The following LUZP2 variants were observed in gnomAD, a reference collection of about 807,000 sequenced individuals.
LUZP2 encodes the protein leucine zipper protein 2.
LUZP2 carries 52 observed loss-of-function variants against 51.6 expected under a neutral mutation model. The observed-to-expected ratio is 1.01, with a 90% CI of 0.81 to 1.27. The LOEUF (loss-of-function observed/expected upper bound fraction) is 1.27, where lower values mean the gene tolerates loss of function less well. Among genes scored for constraint, LUZP2 ranks in the 50% most tolerant of loss-of-function variants. The pLI is 0.00. For missense variants in LUZP2, 436 were observed against 395.4 expected (o/e 1.10, Z -0.87); for synonymous variants, 154 against 137.3 (o/e 1.12, Z -0.85).
At chr11:24,794,076 A>G (rs962209978) in intron 5 of LUZP2, among the ~76,000 whole-genome samples, 1 of 152,116 alleles carries the variant, frequency 6.6e-6, no homozygotes. Context: ...ATGCCTTTAA[A>G]ATGTAAAATT....
intron 1 of LUZP2, among the ~76,000 whole-genome samples, chr11:24,523,498 C>A (rs1387860212): frequency 2.1e-4 from 31 of 148,328 alleles, no homozygotes; most frequent in African/African-American, 6.2e-4. Flanking sequence ...CTTTTTTTTA[C>A]AAAAAAAAGA....
intron 1 of LUZP2, among the ~76,000 whole-genome samples, chr11:24,708,344 A>T (rs1408676424): frequency 6.6e-6 from 1 of 152,148 alleles, no homozygotes. Flanking sequence ...GCCCAGTCAA[A>T]TCAACACACA....
intron 1 of LUZP2, among the ~76,000 whole-genome samples, chr11:24,526,917 C>T (rs1850825439): frequency 1.3e-5 from 2 of 151,332 alleles, no homozygotes; most frequent in Admixed American, 1.3e-4. Flanking sequence ...TTGAAGGTGG[C>T]ACTCTAAGGG....
intron 5 of LUZP2, among the ~76,000 whole-genome samples, chr11:24,763,948 T>A (rs984245360): frequency 1.3e-5 from 2 of 152,212 alleles, no homozygotes; most frequent in African/African-American, 4.8e-5. Context: ...TCTTCCTTGA[T>A]CAATCTCACT....
At chr11:24,793,743 C>G (rs1055461107) in intron 5 of LUZP2, among the ~76,000 whole-genome samples, 1 of 152,048 alleles carries the variant, frequency 6.6e-6, no homozygotes, top group Non-Finnish European at 1.5e-5. Context: ...CTAGTAATTA[C>G]GTATAAGTCT....
intron 1 of LUZP2, among the ~76,000 whole-genome samples, chr11:24,688,912 AAAGAT>A (rs1856978906): frequency 6.6e-6 from 1 of 152,124 alleles, no homozygotes; most frequent in Non-Finnish European, 1.5e-5. Flanking sequence ...AGATCTAGTT[AAAGAT>A]CTCAGCCCTC....
At chr11:24,856,327 G>GA (rs1316800494) in intron 5 of LUZP2, among the ~76,000 whole-genome samples, 1 of 151,958 alleles carries the variant, frequency 6.6e-6, no homozygotes, top group Non-Finnish European at 1.5e-5. Flanking sequence ...AAAAGCATAT[G>GA]AAAAAATGTT....
chr11:24,678,085 G>GA (rs983716670), intron 1 of LUZP2, among the ~76,000 whole-genome samples: 2 of 132,364 alleles, frequency 1.5e-5, no homozygotes, highest in Non-Finnish European at 3.3e-5. Flanking sequence ...AGGGGGGGGG[G>GA]GGTGATTACT....
intron 1 of LUZP2, among the ~76,000 whole-genome samples, chr11:24,595,920 A>G (rs78941614): frequency 0.019 from 2,948 of 152,302 alleles, 102 homozygotes; most frequent in African/African-American, 0.065. Context: ...AAGTTTAATC[A>G]TTAAGAATGT....
intron 4 of LUZP2, among the ~76,000 whole-genome samples, chr11:24,756,900 T>A (rs1482161121): frequency 6.6e-6 from 1 of 152,184 alleles, no homozygotes; most frequent in Non-Finnish European, 1.5e-5. Flanking sequence ...CAAGCTGAGG[T>A]TCCCATAACC....
intron 8 of LUZP2, 46 bp downstream of exon 8, chr11:24,976,711 A>C (rs1232763154): frequency 5.0e-5 from 16 of 321,734 alleles, no homozygotes; most frequent in Non-Finnish European, 7.7e-5. Context: ...TTTAGCAAAA[A>C]AAAAAAAAAA....
intron 5 of LUZP2, among the ~76,000 whole-genome samples, chr11:24,859,374 C>A (rs1165808616): frequency 6.6e-6 from 1 of 152,116 alleles, no homozygotes; most frequent in Non-Finnish European, 1.5e-5. Context: ...CCATTTCTCC[C>A]ACTTTAAACC....
chr11:25,047,160 C>T (rs1025632432), intron 9 of LUZP2, among the ~76,000 whole-genome samples: 23 of 151,974 alleles, frequency 1.5e-4, no homozygotes, highest in African/African-American at 5.3e-4. Flanking sequence ...GCTGTGACTG[C>T]CAGGGGAGAC....
intron 5 of LUZP2, among the ~76,000 whole-genome samples, chr11:24,863,502 G>C (rs1454196353): frequency 1.3e-5 from 2 of 151,856 alleles, no homozygotes; most frequent in African/African-American, 4.8e-5. Flanking sequence ...GAGTAGGCAA[G>C]TGCATACAGA....
At chr11:24,929,349 C>G (rs553395410) in intron 7 of LUZP2, among the ~76,000 whole-genome samples, 15 of 152,168 alleles carry the variant, frequency 9.9e-5, no homozygotes, top group Non-Finnish European at 1.9e-4. Flanking sequence ...TTTATGTAGG[C>G]ATTTAATGCT....
rs77481754 is a variant in LUZP2, at chr11:24,623,348, A to G, written c.63-105821A>G. ...GAATTACTTGAGGAAGAATGTCAGTATGCTTACCTACTCATAGTAAAAGTA... is the reference window on the plus strand; with the variant it reads ...GAATTACTTGAGGAAGAATGTCAGTGTGCTTACCTACTCATAGTAAAAGTA... On this transcript the variant is annotated intron_variant, in intron 1 of 11. Transcript: ENST00000336930. 3.4e-4 allele frequency among the ~76,000 whole-genome samples: 52 copies of G among 152,326 alleles called. 1 individual carries two copies. The East Asian group carries it at 9.5e-3, about 28-fold the overall frequency.
chr11:24,743,689 C>G (rs1388130390), intron 4 of LUZP2, among the ~76,000 whole-genome samples: 1 of 152,004 alleles, frequency 6.6e-6, no homozygotes, highest in African/African-American at 2.4e-5. Context: ...ATTTCTTTCT[C>G]TTTTCTGATT....
intron 1 of LUZP2, among the ~76,000 whole-genome samples, chr11:24,640,185 A>T (rs1855232389): frequency 6.6e-6 from 1 of 151,910 alleles, no homozygotes; most frequent in South Asian, 2.1e-4. Flanking sequence ...TAAAGAAAGA[A>T]TTTACAACTG....
At chr11:24,880,800 G>A (rs1045442137) in intron 5 of LUZP2, among the ~76,000 whole-genome samples, 1 of 151,752 alleles carries the variant, frequency 6.6e-6, no homozygotes, top group Non-Finnish European at 1.5e-5. Flanking sequence ...TTTGGAACTC[G>A]GATGTTTTAC....
Sources: gnomAD v4.1 joint callset for allele counts (sites outside exome capture counted in the v4.1 genomes callset) on GRCh38, gnomAD v4.1.1 for gene constraint, MANE v1.5 for transcripts, NCBI Gene and HGNC (gene_info 2026-07-23, HGNC 2026-07-21) for gene names.